Variants in FANK1 observed in about 807,000 individuals in gnomAD.
FANK1 encodes fibronectin type 3 and ankyrin repeat domains protein 1.
Under a neutral mutation model 45.3 loss-of-function variants are expected in FANK1, and 44 were observed. The observed-to-expected ratio is 0.97, with a 90% CI of 0.76 to 1.25. FANK1 has a LOEUF of 1.25. Ranked by LOEUF, FANK1 falls within the 50% of genes most tolerant of loss-of-function variation. The pLI is 0.00. For synonymous variants in FANK1, 149 were observed against 152.5 expected (o/e 0.98, Z 0.17); for missense variants, 391 against 424.4 (o/e 0.92, Z 0.69).
chr10:125,996,436 G>T, intron 4 of FANK1, 114 bp from the exon 5 acceptor site: 2 of 867,396 alleles, frequency 2.3e-6, no homozygotes, highest in Non-Finnish European at 1.8e-6. Flanking sequence ...AAAGAAATTG[G>T]AATTTTCAGT....
At chr10:125,914,545 T>C (rs1326317876) in intron 1 of FANK1, among the ~76,000 whole-genome samples, 1 of 152,196 alleles carries the variant, frequency 6.6e-6, no homozygotes, top group African/African-American at 2.4e-5. Flanking sequence ...AAGCAATGTT[T>C]GTTAACCATA....
chr10:125,949,943 G>A (rs1404440933), intron 1 of FANK1, among the ~76,000 whole-genome samples: 1 of 136,046 alleles, frequency 7.4e-6, no homozygotes, highest in Non-Finnish European at 1.6e-5. Flanking sequence ...ACAGAACAGA[G>A]CCCTCAGAAA....
At position 125,996,636 on chromosome 10, in the gene FANK1, CT is replaced by C. The variant is rs753793565; in HGVS notation, c.473+20del. On this transcript the variant is annotated intron_variant, in intron 5 of 10. Transcript: ENST00000368693. ...AAAGGATACACCAGGTATGGCTCTT[CT>C]TTTTTTTAAATCTCTCTTGGGGATT... The C allele has an allele frequency of 5.6e-6, 9 of 1,610,752 alleles. No individual in the cohort carries two copies. The African/African-American group carries it at 8.0e-5, about 14-fold the overall frequency.
At chr10:125,953,344 G>A (rs965641132) in intron 1 of FANK1, among the ~76,000 whole-genome samples, 15 of 152,154 alleles carry the variant, frequency 9.9e-5, no homozygotes, top group Non-Finnish European at 2.2e-4. Flanking sequence ...AGTCTAGTCT[G>A]AATGACTGTC....
chr10:125,934,742 T>G (rs1366519070), intron 1 of FANK1, among the ~76,000 whole-genome samples: 1 of 136,796 alleles, frequency 7.3e-6, no homozygotes, highest in Non-Finnish European at 1.6e-5. Context: ...TTTTTTTTTT[T>G]TTTTTTTTTT....
At chr10:125,926,479 G>A (rs1947348732) in intron 1 of FANK1, among the ~76,000 whole-genome samples, 1 of 152,274 alleles carries the variant, frequency 6.6e-6, no homozygotes, top group Non-Finnish European at 1.5e-5. Context: ...CCTGACCCCT[G>A]GCAACCACTA....
At chr10:125,997,569 A>T in intron 6 of FANK1, 84 bp downstream of exon 6, 1 of 1,279,122 alleles carries the variant, frequency 7.8e-7, no homozygotes, top group South Asian at 1.4e-5. Context: ...TTGTGATTTC[A>T]CCAAAACATT....
rs1428791696 is a variant in FANK1 at position 125,919,223 on chromosome 10, T to TTTTG, written c.13+22568_13+22569insTTTG. On this transcript the variant is annotated intron_variant, in intron 1 of 10. Transcript: ENST00000368693. Reference sequence around the variant, plus strand: ...TTTTTTTTTTTTTTTTTTTTTTTTTTGTGACAGAGTCTTGCTCTGTCCCGC... The same window carrying TTTTG: ...TTTTTTTTTTTTTTTTTTTTTTTTTTTTTGGTGACAGAGTCTTGCTCTGTCCCGC... 6.0e-5 allele frequency among the ~76,000 whole-genome samples: 8 copies of TTTTG among 133,278 alleles called. 1 individual carries two copies. Among genetic ancestry groups the TTTTG allele is most frequent in the African/African-American group, 2.4e-4 (8 of 32,982 alleles). 87.4% of individuals were successfully genotyped at this position (133,278 alleles called of 152,430 possible).
At chr10:125,997,336 G>T in intron 5 of FANK1, 84 bp from the exon 6 acceptor site, 1 of 1,064,092 alleles carries the variant, frequency 9.4e-7, no homozygotes, top group Admixed American at 2.0e-5. Flanking sequence ...CTTGGATGCT[G>T]TGTTACTCAT....
chr10:125,989,300 C>A lies in FANK1; in HGVS notation c.316+625C>A, dbSNP rs370059119. On this transcript the variant is annotated intron_variant, in intron 3 of 10. Coordinates refer to ENST00000368693, the MANE Select transcript of FANK1 (RefSeq NM_145235.5). ...TCCAGGGCCATCTCTGAGCAAGAGC[C>A]TTGTAAAAATTAGGATGGTCACAAG... The A allele has an allele frequency of 3.9e-5, 61 of 1,550,588 alleles. No homozygotes were observed. The African/African-American group carries it at 4.2e-4, about 11-fold the overall frequency.
intron 1 of FANK1, among the ~76,000 whole-genome samples, chr10:125,954,052 T>C (rs1014917485): frequency 9.9e-5 from 10 of 100,766 alleles, no homozygotes; most frequent in South Asian, 3.4e-4. Flanking sequence ...CCTAACACAG[T>C]GTGTCCCTGC....
intron 3 of FANK1, among the ~76,000 whole-genome samples, chr10:125,991,584 G>C (rs771317998): frequency 6.6e-6 from 1 of 152,198 alleles, no homozygotes; most frequent in South Asian, 2.1e-4. Flanking sequence ...CAGTTTGAGA[G>C]TGTTTTAATG....
At chr10:125,904,112 C>T (rs1338808128) in intron 1 of FANK1, among the ~76,000 whole-genome samples, 1 of 152,082 alleles carries the variant, frequency 6.6e-6, no homozygotes, top group African/African-American at 2.4e-5. Context: ...TATTGTTAGA[C>T]AGGGCCTCAG....
intron 1 of FANK1, among the ~76,000 whole-genome samples, chr10:125,956,272 G>T (rs189507850): frequency 5.3e-5 from 8 of 151,952 alleles, no homozygotes; most frequent in Admixed American, 5.2e-4. Flanking sequence ...TTTGAAAGGA[G>T]ATTCAAAGTG....
rs80126148 is a variant in FANK1 at position 125,994,373 on chromosome 10, C to T, written c.317-1044C>T. ...AGCACAGGACTTGGCATGTACATTACTTAGGTTTGTTGAATGAATAAATGA... is the reference window on the plus strand; with the variant it reads ...AGCACAGGACTTGGCATGTACATTATTTAGGTTTGTTGAATGAATAAATGA... On this transcript the variant is annotated intron_variant, in intron 3 of 10. Coordinates refer to ENST00000368693, the MANE Select transcript of FANK1 (RefSeq NM_145235.5). 10,926 of 984,992 alleles carry T rather than the reference C, an allele frequency of 0.011. 503 individuals are homozygous for T. The East Asian group carries it at 0.12, about 11-fold the overall frequency. The allele number at this position is 984,992 out of a possible 1,614,324, so 61.0% of individuals were successfully genotyped here. A position where few individuals can be genotyped will look rare whatever the true frequency, so the allele number is the denominator to read the frequency against.
intron 1 of FANK1, among the ~76,000 whole-genome samples, chr10:125,957,723 C>A (rs946904918): frequency 6.6e-6 from 1 of 151,930 alleles, no homozygotes; most frequent in African/African-American, 2.4e-5. Context: ...TGGGATTTTA[C>A]CATGTTGTCC....
chr10:125,913,263 A>G (rs1327146253), intron 1 of FANK1, among the ~76,000 whole-genome samples: 8 of 152,132 alleles, frequency 5.3e-5, no homozygotes, highest in African/African-American at 1.9e-4. Context: ...CTCATTCTGC[A>G]TGACACCTAA....
intron 6 of FANK1, among the ~76,000 whole-genome samples, chr10:126,000,615 A>G (rs1199299310): frequency 7.2e-5 from 11 of 152,202 alleles, no homozygotes; most frequent in Admixed American, 6.5e-5. Context: ...AACCATAAAA[A>G]ATGACCAGAA....
intron 1 of FANK1, among the ~76,000 whole-genome samples, chr10:125,925,572 A>T (rs1424998717): frequency 1.3e-5 from 2 of 151,954 alleles, no homozygotes; most frequent in Non-Finnish European, 2.9e-5. Context: ...AATTGTTTTT[A>T]TTTCTTTAGA....
Sources: gnomAD v4.1 joint callset for allele counts (sites outside exome capture counted in the v4.1 genomes callset) on GRCh38, gnomAD v4.1.1 for gene constraint, MANE v1.5 for transcripts, NCBI Gene and HGNC (gene_info 2026-07-23, HGNC 2026-07-21) for gene names.